Variants in NLGN1 observed in about 807,000 individuals in gnomAD.
The protein encoded by NLGN1 is neuroligin 1.
A neutral mutation model predicts 65.5 loss-of-function variants in NLGN1; 12 were observed. That is an observed-to-expected ratio of 0.18 (90% confidence interval 0.12 to 0.30). NLGN1 has a LOEUF of 0.30. Among genes scored for constraint, NLGN1 ranks in the 10% least tolerant of loss-of-function variants. The pLI is 1.00. For synonymous variants in NLGN1, 350 were observed against 359.5 expected (o/e 0.97, Z 0.30); for missense variants, 750 against 1,007.1 (o/e 0.74, Z 3.46).
At chr3:173,785,192 T>C (rs139860573) in intron 3 of NLGN1, among the ~76,000 whole-genome samples, 1 of 152,308 alleles carries the variant, frequency 6.6e-6, no homozygotes, top group East Asian at 1.9e-4. Flanking sequence ...CAAGAATTCC[T>C]TGTTTCCCAG....
Position 174,124,539 on chromosome 3 carries a change from A to C in NLGN1, c.647-150776A>C, listed in dbSNP as rs115135408. 8.5e-3 allele frequency among the ~76,000 whole-genome samples: 1,258 copies of C among 148,148 alleles called. 9 individuals are homozygous for C. Among genetic ancestry groups the C allele is most frequent in the Non-Finnish European group, 0.013 (876 of 67,222 alleles). On this transcript the variant is annotated intron_variant, in intron 4 of 6. Coordinates refer to ENST00000457714, the Ensembl canonical transcript of NLGN1. ...TATATACATATGTACTTACTTATATACATATACTTATATATATACGTATAT... is the reference window on the plus strand; with the variant it reads ...TATATACATATGTACTTACTTATATCCATATACTTATATATATACGTATAT...
At chr3:173,890,557 T>C (rs1735143025) in intron 4 of NLGN1, among the ~76,000 whole-genome samples, 1 of 152,190 alleles carries the variant, frequency 6.6e-6, no homozygotes, top group Admixed American at 6.6e-5. Context: ...TGAAAGGTGG[T>C]CATTTATATA....
chr3:174,272,297 T>TAA lies in NLGN1; in HGVS notation c.647-3017_647-3016dup, dbSNP rs538773297. Among the ~76,000 whole-genome samples, 180 of 151,850 alleles carry TAA rather than the reference T, an allele frequency of 1.2e-3. 1 individual carries two copies. The highest frequency in any genetic ancestry group is 2.9e-3 in the South Asian group (14 of 4,818). ...GTTGTGCTGTTAAGGACATAACAGC[T>TAA]AAGTCAATTTAAAAAGAACTTTAAA... On this transcript the variant is annotated intron_variant, in intron 4 of 6. Coordinates refer to ENST00000457714, the Ensembl canonical transcript of NLGN1.
intron 4 of NLGN1, among the ~76,000 whole-genome samples, chr3:174,080,180 A>G (rs1741850369): frequency 6.6e-6 from 1 of 152,174 alleles, no homozygotes; most frequent in Admixed American, 6.5e-5. Flanking sequence ...CAAAATATAT[A>G]CCCAATGCGA....
rs138081486 is a variant in NLGN1 at position 173,704,169 on chromosome 3, G to A, written c.493+99078G>A. ...GTGCAAAAACTACTTGGTTTGGGAG[G>A]CATAAACTGGGAAGACAAAGTTGTT... On this transcript the variant is annotated intron_variant, in intron 3 of 6. Transcript: ENST00000457714. Among the ~76,000 whole-genome samples, 375 of 152,306 alleles carry A rather than the reference G, an allele frequency of 2.5e-3. 2 individuals are homozygous for A. The highest frequency in any genetic ancestry group is 8.6e-3 in the African/African-American group (359 of 41,570).
chr3:174,156,585 C>CA (rs1385439654), intron 4 of NLGN1, among the ~76,000 whole-genome samples: 1 of 151,512 alleles, frequency 6.6e-6, no homozygotes, highest in Non-Finnish European at 1.5e-5. Context: ...TTTAGTGTAT[C>CA]AAAGGTATTG....
chr3:174,116,598 G>A (rs137913545), intron 4 of NLGN1, among the ~76,000 whole-genome samples: 27 of 152,024 alleles, frequency 1.8e-4, no homozygotes, highest in African/African-American at 5.1e-4. Context: ...TTGGCCTTCC[G>A]AAGTGCTGGG....
intron 4 of NLGN1, among the ~76,000 whole-genome samples, chr3:173,895,106 G>A (rs771422216): frequency 6.6e-6 from 1 of 152,054 alleles, no homozygotes; most frequent in African/African-American, 2.4e-5. Flanking sequence ...TAATAATTCA[G>A]TTTCTTGTAG....
At chr3:173,510,761 G>A (rs184843146) in intron 2 of NLGN1, among the ~76,000 whole-genome samples, 138 of 152,260 alleles carry the variant, frequency 9.1e-4, no homozygotes, top group Non-Finnish European at 1.6e-3. Flanking sequence ...GAGATGAGAA[G>A]GCCCTAGAGA....
intron 4 of NLGN1, among the ~76,000 whole-genome samples, chr3:174,272,253 G>A (rs1440431289): frequency 2.6e-5 from 4 of 151,592 alleles, no homozygotes; most frequent in Non-Finnish European, 5.9e-5. Context: ...TAAAGTTTCG[G>A]CTAGGGTGAT....
At chr3:174,042,440 A>T (rs920275228) in intron 4 of NLGN1, among the ~76,000 whole-genome samples, 8 of 152,178 alleles carry the variant, frequency 5.3e-5, no homozygotes, top group African/African-American at 1.4e-4. Flanking sequence ...ATATCTAATG[A>T]TTAGACTACC....
At position 173,684,439 on chromosome 3, in the gene NLGN1, A is replaced by G. The variant is rs1217683353; in HGVS notation, c.493+79348A>G. 2.6e-5 allele frequency among the ~76,000 whole-genome samples: 4 copies of G among 152,192 alleles called. No individual in the cohort carries two copies. The East Asian group carries it at 7.7e-4, about 29-fold the overall frequency. ...TAAGTAGTGTGCATATCTTTATGAT[A>G]CTATGAGGCTGAAGTGTACCTGGGT... On this transcript the variant is annotated intron_variant, in intron 3 of 6. Transcript: ENST00000457714.
chr3:173,998,573 G>A lies in NLGN1; in HGVS notation c.646+190741G>A, dbSNP rs555977096. Among the ~76,000 whole-genome samples the A allele has an allele frequency of 5.3e-5, 8 of 152,236 alleles. No individual in the cohort carries two copies. The East Asian group carries it at 1.5e-3, about 29-fold the overall frequency. The stretch of plus-strand genomic sequence containing the variant: ...ACTTTCATCTCTTCCTTGCCCACTA[G>A]GAATTTAATTGCCTAGAATTCAGTT... On this transcript the variant is annotated intron_variant, in intron 4 of 6. Transcript: ENST00000457714.
intron 4 of NLGN1, among the ~76,000 whole-genome samples, chr3:174,113,037 T>C (rs1464457301): frequency 6.6e-6 from 1 of 151,942 alleles, no homozygotes; most frequent in Admixed American, 6.6e-5. Flanking sequence ...TATGCCCATT[T>C]TCAAGAAATA....
At chr3:173,852,287 C>T (rs1232808377) in intron 4 of NLGN1, among the ~76,000 whole-genome samples, 10 of 123,208 alleles carry the variant, frequency 8.1e-5, no homozygotes, top group South Asian at 2.8e-4. Flanking sequence ...ACCCGGGAGG[C>T]GGAGCTTGCA....
chr3:174,156,657 A>C (rs2152712875), intron 4 of NLGN1, among the ~76,000 whole-genome samples: 1 of 151,890 alleles, frequency 6.6e-6, no homozygotes, highest in Admixed American at 6.6e-5. Flanking sequence ...TTCTCACTTA[A>C]GGAGGTCTTC....
intron 4 of NLGN1, among the ~76,000 whole-genome samples, chr3:173,984,450 A>T (rs997617227): frequency 5.3e-5 from 8 of 152,218 alleles, no homozygotes; most frequent in African/African-American, 1.9e-4. Flanking sequence ...AAGATATTTC[A>T]AACGCTCATA....
chr3:173,656,723 C>T (rs1183591016), intron 3 of NLGN1, among the ~76,000 whole-genome samples: 1 of 152,036 alleles, frequency 6.6e-6, no homozygotes, highest in Non-Finnish European at 1.5e-5. Context: ...TCAGCTCAGT[C>T]TTACCCAATG....
At chr3:173,775,126 C>T (rs2150287956) in intron 3 of NLGN1, among the ~76,000 whole-genome samples, 1 of 152,104 alleles carries the variant, frequency 6.6e-6, no homozygotes, top group South Asian at 2.1e-4. Context: ...TTAGTACAAT[C>T]AAATATGCTT....
Sources: allele counts gnomAD v4.1 joint callset (sites outside exome capture counted in the v4.1 genomes callset), GRCh38; gene constraint gnomAD v4.1.1; transcripts MANE v1.5; gene names NCBI Gene and HGNC (gene_info 2026-07-23, HGNC 2026-07-21).